CORO2A: variants seen among roughly 807,000 people sequenced by gnomAD.
CORO2A encodes the protein coronin-2A.
Under a neutral mutation model 62.4 loss-of-function variants are expected in CORO2A, and 47 were observed. The observed-to-expected ratio is 0.75, with a 90% CI of 0.60 to 0.96. The LOEUF (loss-of-function observed/expected upper bound fraction) is 0.96, where lower values mean the gene tolerates loss of function less well. Ranked by LOEUF, CORO2A falls within the 40% of genes least tolerant of loss-of-function variation. The probability of loss-of-function intolerance (pLI) is 0.00; values close to 1 mark genes in which losing one functional copy is unlikely to be tolerated. For synonymous variants in CORO2A, 273 were observed against 268.9 expected (o/e 1.02, Z -0.15); for missense variants, 610 against 684.1 (o/e 0.89, Z 1.21).
In CORO2A at chr9:98,123,744, C is replaced by A. The variant is rs113934284; in HGVS notation, c.*1030G>T. On this transcript the variant is annotated 3_prime_UTR_variant, in exon 12 of 12. Transcript: ENST00000375077. ...GATCTTGGTTCACTGCAACCTCCGC[C>A]TCCCAGGCTCAAGCGATTCTCCTGC... 7.9e-5 allele frequency: 12 copies of A among 152,446 alleles called. No individual in the cohort carries two copies. The highest frequency in any genetic ancestry group is 2.9e-4 in the African/African-American group (12 of 41,578). 9.4% of individuals were successfully genotyped at this position (152,446 alleles called of 1,614,324 possible). A position where few individuals can be genotyped will look rare whatever the true frequency, so the allele number is the denominator to read the frequency against.
rs531561837 is a variant in CORO2A at position 98,168,792 on chromosome 9, T to C, written c.1-11132A>G. Among the ~76,000 whole-genome samples, 6 of 152,318 alleles carry C rather than the reference T, an allele frequency of 3.9e-5. No individual in the cohort carries two copies. The South Asian group carries it at 8.3e-4, about 21-fold the overall frequency. On this transcript the variant is annotated intron_variant, in intron 1 of 11. Transcript: ENST00000375077. ...AGTAAAAATCCCAAACCAGAAAGCA[T>C]GAAGCAGCCTCCCAGGGGCCAAGTG... is the stretch of plus-strand genomic sequence containing the variant.
intron 6 of CORO2A, among the ~76,000 whole-genome samples, chr9:98,131,935 T>A (rs756008262): frequency 1.3e-5 from 2 of 151,790 alleles, no homozygotes; most frequent in Non-Finnish European, 2.9e-5. Context: ...CTCAGCTACC[T>A]CCCCTCCTCT....
intron 1 of CORO2A, among the ~76,000 whole-genome samples, chr9:98,158,805 A>G (rs1827841403): frequency 6.6e-6 from 1 of 150,908 alleles, no homozygotes; most frequent in Non-Finnish European, 1.5e-5. Flanking sequence ...GTGGTTTAGT[A>G]AGATTATCAA....
chr9:98,174,548 C>A (rs139673189), intron 1 of CORO2A, among the ~76,000 whole-genome samples: 1 of 152,280 alleles, frequency 6.6e-6, no homozygotes, highest in Non-Finnish European at 1.5e-5. Flanking sequence ...CAAATCTCAT[C>A]TTGAATTGTA....
chr9:98,157,601 G>A lies in CORO2A; in HGVS notation c.60C>T (p.Ala20=), dbSNP rs751953797. ...SKFRHVFGKP[A]SKENCYDSVP... ...CGGAGTCGTAGCAGTTCTCCTTGCT[G>A]GCTGGTTTGCCAAAGACATGACGGA... Residue 20 remains alanine (A), a synonymous_variant, in exon 2 of 12, where the codon GCC becomes GCT. Transcript: ENST00000375077. 1.1e-5 allele frequency: 17 copies of A among 1,614,058 alleles called. No homozygotes were observed. Among genetic ancestry groups the A allele is most frequent in the Admixed American group, 1.7e-5 (1 of 60,008 alleles).
At chr9:98,185,328 A>G (rs1828225452) in intron 1 of CORO2A, among the ~76,000 whole-genome samples, 1 of 152,222 alleles carries the variant, frequency 6.6e-6, no homozygotes, top group Admixed American at 6.5e-5. Flanking sequence ...AAAAACATCA[A>G]TAGGTGGTTG....
intron 8 of CORO2A, 121 bp downstream of exon 8, chr9:98,129,673 C>T: frequency 1.3e-6 from 1 of 745,150 alleles, no homozygotes; most frequent in Non-Finnish European, 2.4e-6. Context: ...GCTGTCTCTC[C>T]TCCCATCTGA....
At chr9:98,177,190 C>T (rs142866676) in intron 1 of CORO2A, among the ~76,000 whole-genome samples, 36 of 152,184 alleles carry the variant, frequency 2.4e-4, no homozygotes, top group South Asian at 1.7e-3. Context: ...CTAGAAAGGC[C>T]GGCAGAGCAT....
chr9:98,154,255 T>A (rs1827768915), intron 2 of CORO2A, among the ~76,000 whole-genome samples: 1 of 150,078 alleles, frequency 6.7e-6, no homozygotes, highest in Non-Finnish European at 1.5e-5. Context: ...AAGATTAGAA[T>A]CTGTTCCTTG....
intron 2 of CORO2A, among the ~76,000 whole-genome samples, chr9:98,149,453 T>A (rs1827693665): frequency 6.6e-6 from 1 of 152,192 alleles, no homozygotes; most frequent in Admixed American, 6.5e-5. Context: ...GGCTGAGTAT[T>A]TACAAAGAAA....
At chr9:98,129,130 C>T (rs1015075472) in intron 8 of CORO2A, among the ~76,000 whole-genome samples, 1 of 152,134 alleles carries the variant, frequency 6.6e-6, no homozygotes, top group Non-Finnish European at 1.5e-5. Flanking sequence ...CACTTTGTTG[C>T]CCAGGCTAGG....
At chr9:98,190,548 T>G (rs1298436035) in intron 1 of CORO2A, among the ~76,000 whole-genome samples, 1 of 152,162 alleles carries the variant, frequency 6.6e-6, no homozygotes, top group East Asian at 1.9e-4. Flanking sequence ...TCACATCCCC[T>G]CTGGCGACAG....
chr9:98,191,686 C>T (rs1315821902), intron 1 of CORO2A, among the ~76,000 whole-genome samples: 1 of 152,190 alleles, frequency 6.6e-6, no homozygotes, highest in Non-Finnish European at 1.5e-5. Context: ...CCTAGGGAGC[C>T]TGGGACCACA....
At chr9:98,170,379 A>T (rs1828017675) in intron 1 of CORO2A, among the ~76,000 whole-genome samples, 1 of 152,214 alleles carries the variant, frequency 6.6e-6, no homozygotes, top group African/African-American at 2.4e-5. Context: ...GTAGGAGCCA[A>T]GGGGCTGGGC....
At chr9:98,178,196 G>A (rs1398629456) in intron 1 of CORO2A, among the ~76,000 whole-genome samples, 1 of 152,082 alleles carries the variant, frequency 6.6e-6, no homozygotes, top group South Asian at 2.1e-4. Context: ...ACAGGCATGA[G>A]CCACCATGCC....
In CORO2A at chr9:98,133,210, ATCATCACCTGCATGGCAGAGAGCCAGC is replaced by A. The variant is rs776291665; in HGVS notation, c.469-20_475del. ...AGACTCCTTTGTATCCAGGTTCCAGATCATCACCTGCATGGCAGAGAGCCAGCTCTGAGCACAGGGGCCACCTTGCCC... is the reference window on the plus strand; with the variant it reads ...AGACTCCTTTGTATCCAGGTTCCAGATCTGAGCACAGGGGCCACCTTGCCC... On this transcript the variant is annotated splice_acceptor_variant and splice_polypyrimidine_tract_variant and coding_sequence_variant and intron_variant, in exon 5 of 12. Transcript: ENST00000375077. LOFTEE classifies it high-confidence loss of function. 2 of 1,614,192 alleles carry A rather than the reference ATCATCACCTGCATGGCAGAGAGCCAGC, an allele frequency of 1.2e-6. No individual in the cohort carries two copies. Among genetic ancestry groups the A allele is most frequent in the Non-Finnish European group, 1.7e-6 (2 of 1,180,016 alleles).
chr9:98,181,395 G>C (rs942270102), intron 1 of CORO2A, among the ~76,000 whole-genome samples: 1 of 144,212 alleles, frequency 6.9e-6, no homozygotes, highest in Non-Finnish European at 1.5e-5. Flanking sequence ...AGGCTGGTCT[G>C]GAACTCCTGG....
chr9:98,133,533 C>T (rs1364342542), intron 4 of CORO2A, among the ~76,000 whole-genome samples: 2 of 152,176 alleles, frequency 1.3e-5, no homozygotes, highest in Non-Finnish European at 2.9e-5. Context: ...CAGTTTGCAC[C>T]TCCCACAGAT....
chr9:98,141,356 T>TCA (rs1827564672), intron 2 of CORO2A, among the ~76,000 whole-genome samples: 5 of 150,866 alleles, frequency 3.3e-5, no homozygotes, highest in African/African-American at 1.2e-4. Flanking sequence ...ACCCTTTTTT[T>TCA]TTTTTTTTTT....
Sources: gnomAD v4.1 joint callset for allele counts (sites outside exome capture counted in the v4.1 genomes callset) on GRCh38, gnomAD v4.1.1 for gene constraint, MANE v1.5 for transcripts, NCBI Gene and HGNC (gene_info 2026-07-23, HGNC 2026-07-21) for gene names.